Variants in TMEM245 observed in about 807,000 individuals in gnomAD.
TMEM245 encodes transmembrane protein 245.
In TMEM245, 69 loss-of-function variants were observed where a neutral mutation model predicts 101.2. That is an observed-to-expected ratio of 0.68 (90% CI 0.56 to 0.83). The LOEUF (loss-of-function observed/expected upper bound fraction) is 0.83, where lower values mean the gene tolerates loss of function less well. Ranked by LOEUF, TMEM245 falls within the 40% of genes least tolerant of loss-of-function variation. TMEM245 has a pLI of 0.00. For missense variants in TMEM245, 1,075 were observed against 1,092.8 expected, an observed-to-expected ratio of 0.98 and a Z score of 0.23; for synonymous variants, 537 against 449.8, an observed-to-expected ratio of 1.19 and a Z score of -2.45.
chr9:109,086,133 G>A, intron 6 of TMEM245, 113 bp from the exon 7 acceptor site: 2 of 1,151,496 alleles, frequency 1.7e-6, no homozygotes, highest in South Asian at 1.4e-5. Context: ...AACCATCCCA[G>A]ACAAAGGAAA....
intron 9 of TMEM245, among the ~76,000 whole-genome samples, chr9:109,065,635 C>T (rs1416942300): frequency 6.6e-6 from 1 of 152,122 alleles, no homozygotes; most frequent in East Asian, 1.9e-4. Context: ...GTACCATACA[C>T]CTTAATCAAG....
At chr9:109,068,183 C>T (rs188883038) in intron 9 of TMEM245, among the ~76,000 whole-genome samples, 156 of 151,952 alleles carry the variant, frequency 1.0e-3, no homozygotes, top group African/African-American at 3.7e-3. Context: ...CTGGCTAACA[C>T]GGTGAAACCC....
intron 17 of TMEM245, among the ~76,000 whole-genome samples, chr9:109,029,612 C>T (rs1312050122): frequency 2.6e-5 from 4 of 152,112 alleles, no homozygotes; most frequent in African/African-American, 9.7e-5. Context: ...TGCATATTTT[C>T]CCGAAAATCT....
intron 8 of TMEM245, among the ~76,000 whole-genome samples, chr9:109,077,079 A>T (rs1289347875): frequency 2.0e-5 from 3 of 150,938 alleles, no homozygotes; most frequent in Non-Finnish European, 4.4e-5. Context: ...TTGTTATAAT[A>T]TTATATATAT....
In TMEM245 at chr9:109,091,164, G is replaced by A; in HGVS notation, c.917-9C>T. The A allele has an allele frequency of 1.2e-6, 2 of 1,610,704 alleles. No individual in the cohort carries two copies. Among genetic ancestry groups the A allele is most frequent in the Non-Finnish European group, 1.7e-6 (2 of 1,178,092 alleles). On this transcript the variant is annotated splice_polypyrimidine_tract_variant and intron_variant, in intron 4 of 17. Transcript: ENST00000374586. ...TCCCCTGTCCACTGCTTCTGAAAAG[G>A]AAAAGAAAAACACCACACACCGCAT... is the stretch of plus-strand genomic sequence containing the variant.
chr9:109,049,921 C>G (rs1828620754), intron 14 of TMEM245, among the ~76,000 whole-genome samples: 1 of 152,146 alleles, frequency 6.6e-6, no homozygotes, highest in South Asian at 2.1e-4. Flanking sequence ...TCCCAAGTAG[C>G]TGGGGTTACA....
chr9:109,055,379 T>C (rs1828801019), intron 12 of TMEM245, among the ~76,000 whole-genome samples: 1 of 152,230 alleles, frequency 6.6e-6, no homozygotes, highest in Non-Finnish European at 1.5e-5. Context: ...CAGGCTGACC[T>C]GGCAGGGACC....
Position 109,119,874 on chromosome 9 carries a change from G to A in TMEM245, c.40C>T (p.Arg14Trp), listed in dbSNP as rs1349331826. The A allele has an allele frequency of 1.1e-5, 14 of 1,314,124 alleles. No homozygotes were observed. Among genetic ancestry groups the A allele is most frequent in the Non-Finnish European group, 1.3e-5 (14 of 1,041,006 alleles). 81.4% of individuals were successfully genotyped at this position (1,314,124 alleles called of 1,614,324 possible). A position where few individuals can be genotyped will look rare whatever the true frequency, so the allele number is the denominator to read the frequency against. ...CGCGGCGCCGGCCCGGGAGAGCTCC[G>A]CAGGCTTGGCGCGTCCTTAGGGCCG... The part of the protein sequence containing the change: ...GGGPKDAPSL[R>W]SSPGPAPRVP... The change falls in exon 1 of 18, where the codon CGG (arginine) becomes TGG (tryptophan). Residue 14 changes from arginine (R) to tryptophan (W), a missense_variant. Arg to Trp is a moderately radical substitution (Grantham distance 101). Coordinates refer to ENST00000374586, the MANE Select transcript of TMEM245 (RefSeq NM_032012.4).
chr9:109,044,539 C>A (rs919339790), intron 14 of TMEM245, among the ~76,000 whole-genome samples: 1 of 152,120 alleles, frequency 6.6e-6, no homozygotes, highest in Non-Finnish European at 1.5e-5. Context: ...TCTAGCCTCA[C>A]TGCAATATGG....
chr9:109,028,454 C>CAAAAAAAA, intron 17 of TMEM245, among the ~76,000 whole-genome samples: 1 of 137,844 alleles, frequency 7.3e-6, no homozygotes. Flanking sequence ...CACTCCATCT[C>CAAAAAAAA]AAAAAAAAAA....
chr9:109,111,618 C>T (rs1830569466), intron 1 of TMEM245, among the ~76,000 whole-genome samples: 1 of 152,134 alleles, frequency 6.6e-6, no homozygotes. Context: ...CAGAAGCACA[C>T]TGTGCAGACA....
In TMEM245 at chr9:109,119,552, A is replaced by T; in HGVS notation, c.362T>A (p.Leu121Gln). Residue 121 changes from leucine (L) to glutamine (Q), a missense_variant, in exon 1 of 18, where the codon CTG (leucine) becomes CAG (glutamine). Coordinates refer to ENST00000374586, the MANE Select transcript of TMEM245 (RefSeq NM_032012.4). ...RLHRAHTPIVLAALLLPLCFV... is the reference protein window; with the variant it reads ...RLHRAHTPIVQAALLLPLCFV... ...GCAGAGCGGCAGGAGCAGCGCGGCC[A>T]GGACGATGGGCGTGTGCGCGCGGTG... is the stretch of plus-strand genomic sequence containing the variant. The T allele has an allele frequency of 6.5e-7, 1 of 1,535,664 alleles. No individual in the cohort carries two copies. The highest frequency in any genetic ancestry group is 8.7e-7 in the Non-Finnish European group (1 of 1,146,224).
intron 17 of TMEM245, among the ~76,000 whole-genome samples, chr9:109,032,909 C>G (rs546972028): frequency 1.4e-5 from 2 of 147,700 alleles, no homozygotes; most frequent in Non-Finnish European, 3.0e-5. Flanking sequence ...AGCAATTCTT[C>G]TGCCTCAGCC....
At chr9:109,039,864 T>C (rs996778974) in intron 14 of TMEM245, among the ~76,000 whole-genome samples, 1 of 150,996 alleles carries the variant, frequency 6.6e-6, no homozygotes, top group Non-Finnish European at 1.5e-5. Flanking sequence ...AGGAAAAAAG[T>C]ATAGAATTTG....
At chr9:109,067,283 A>G (rs1392845504) in intron 9 of TMEM245, among the ~76,000 whole-genome samples, 1 of 152,146 alleles carries the variant, frequency 6.6e-6, no homozygotes, top group East Asian at 1.9e-4. Flanking sequence ...ACATGGGGCC[A>G]GAAACACAGG....
chr9:109,036,156 A>AC, intron 16 of TMEM245, 50 bp downstream of exon 16: 1 of 1,442,104 alleles, frequency 6.9e-7, no homozygotes, highest in Non-Finnish European at 9.2e-7. Flanking sequence ...AAAAAAAAAA[A>AC]CGGAAATGCC....
chr9:109,059,826 C>A (rs1043546074), intron 11 of TMEM245, among the ~76,000 whole-genome samples: 3 of 151,964 alleles, frequency 2.0e-5, no homozygotes, highest in Admixed American at 2.0e-4. Context: ...CCACATGTGG[C>A]TACTGAGCAC....
chr9:109,038,687 T>A (rs186506842), intron 14 of TMEM245: 1 of 152,262 alleles, frequency 6.6e-6, no homozygotes, highest in East Asian at 1.9e-4. Context: ...AGAAAGTAGG[T>A]CATTGGGAGA....
chr9:109,054,722 T>C (rs141726629), intron 12 of TMEM245, among the ~76,000 whole-genome samples: 1,747 of 152,282 alleles, frequency 0.011, 14 homozygotes, highest in South Asian at 0.031. Context: ...TAATACAACA[T>C]TATATAAAAA....
Sources: allele counts gnomAD v4.1 joint callset (sites outside exome capture counted in the v4.1 genomes callset), GRCh38; gene constraint gnomAD v4.1.1; transcripts MANE v1.5; gene names NCBI Gene and HGNC (gene_info 2026-07-23, HGNC 2026-07-21).